DENND2C: variants seen among roughly 807,000 people sequenced by gnomAD.
The protein encoded by DENND2C is DENN domain-containing protein 2C.
In DENND2C, 72 loss-of-function variants were observed where a neutral mutation model predicts 112.4. The observed-to-expected ratio is 0.64, with a 90% confidence interval of 0.53 to 0.78. DENND2C has a LOEUF of 0.78. DENND2C is among the 30% of genes least tolerant of loss of function. The pLI is 0.00. For synonymous variants in DENND2C, 329 were observed against 381.6 expected (o/e 0.86, Z 1.61); for missense variants, 992 against 1,113.8 (o/e 0.89, Z 1.56).
intron 10 of DENND2C, among the ~76,000 whole-genome samples, chr1:114,608,206 T>A (rs1350855843): frequency 1.3e-5 from 2 of 151,762 alleles, no homozygotes; most frequent in Non-Finnish European, 2.9e-5. Context: ...GTTGCAGGGG[T>A]TGCAGTGAGC....
In DENND2C at chr1:114,630,295, A is replaced by G. The variant is rs76955064; in HGVS notation, c.-204-4107T>C. Among the ~76,000 whole-genome samples, 266 of 151,952 alleles carry G rather than the reference A, an allele frequency of 1.8e-3. 6 individuals are homozygous for G. The South Asian group carries it at 0.028, about 16-fold the overall frequency. On this transcript the variant is annotated intron_variant, in intron 3 of 20. Transcript: ENST00000393274. ...TTCATTCCAGTCTGGCGACAGAGCG[A>G]GATTCGTTCAAAAAAAAAAAGAAAA... is the stretch of plus-strand genomic sequence containing the variant.
At chr1:114,662,780 A>C (rs1557963159) in intron 1 of DENND2C, among the ~76,000 whole-genome samples, 1 of 151,964 alleles carries the variant, frequency 6.6e-6, no homozygotes, top group African/African-American at 2.4e-5. Flanking sequence ...ACGTATTGAG[A>C]CCCCATCTCT....
chr1:114,655,110 G>A (rs1657272146), intron 1 of DENND2C, among the ~76,000 whole-genome samples: 2 of 152,150 alleles, frequency 1.3e-5, no homozygotes, highest in Non-Finnish European at 2.9e-5. Flanking sequence ...TTACTTAGAA[G>A]AATGGATATT....
In DENND2C at chr1:114,657,195, C is replaced by T. The variant is rs542788312; in HGVS notation, c.-573-2434G>A. On this transcript the variant is annotated intron_variant, in intron 1 of 20. Coordinates refer to ENST00000393274, the MANE Select transcript of DENND2C (RefSeq NM_001256404.2). ...GTTAGTCTTTTTAATTTTAGCCATT[C>T]TGGTATGTAGTAGCATCTCACTGTG... is the stretch of plus-strand genomic sequence containing the variant. Among the ~76,000 whole-genome samples the T allele has an allele frequency of 1.1e-4, 17 of 152,346 alleles. No individual in the cohort carries two copies. In the East Asian group the frequency reaches 3.3e-3, roughly 29 times the overall value.
intron 3 of DENND2C, among the ~76,000 whole-genome samples, chr1:114,636,149 A>G (rs1203336006): frequency 6.6e-6 from 1 of 151,910 alleles, no homozygotes; most frequent in East Asian, 1.9e-4. Context: ...GATAAAGAAA[A>G]CTATGTATTT....
At chr1:114,605,791 C>T (rs1043318405) in intron 10 of DENND2C, among the ~76,000 whole-genome samples, 4 of 151,762 alleles carry the variant, frequency 2.6e-5, no homozygotes, top group Non-Finnish European at 5.9e-5. Context: ...AAACCTGTCT[C>T]AAAAAAAGAA....
chr1:114,625,256 A>C lies in DENND2C; in HGVS notation c.729T>G (p.Cys243Trp), dbSNP rs990867782. The change falls in exon 4 of 21, where the codon TGT becomes TGG. Residue 243 changes from cysteine (C) to tryptophan (W), a missense_variant. Transcript: ENST00000393274. ...CDKKYCENNSCAQSSLASSQE... is the reference protein window; with the variant it reads ...CDKKYCENNSWAQSSLASSQE... ...GAGAAGAGGCCAAAGAAGATTGTGC[A>C]CAAGAGTTATTTTCACAGTATTTTT... is the stretch of plus-strand genomic sequence containing the variant. 1.2e-6 allele frequency: 2 copies of C among 1,614,168 alleles called. No homozygotes were observed. The highest frequency in any genetic ancestry group is 1.7e-6 in the Non-Finnish European group (2 of 1,180,024).
At position 114,585,406 on chromosome 1, in the gene DENND2C, C is replaced by A; in HGVS notation, c.*194G>T. On this transcript the variant is annotated 3_prime_UTR_variant, in exon 21 of 21. Coordinates refer to ENST00000393274, the MANE Select transcript of DENND2C (RefSeq NM_001256404.2). ...AGACAGAGTAAAGATGGCATGGTGC[C>A]AGACCATTCCCAACAATTCTCCAGT... The A allele has an allele frequency of 1.7e-6, 1 of 597,764 alleles. No individual in the cohort carries two copies. 37.0% of individuals were successfully genotyped at this position (597,764 alleles called of 1,614,324 possible). A position where few individuals can be genotyped will look rare whatever the true frequency, so the allele number is the denominator to read the frequency against.
At chr1:114,664,324 G>A (rs17032822) in intron 1 of DENND2C, among the ~76,000 whole-genome samples, 8,590 of 152,112 alleles carry the variant, frequency 0.056, 357 homozygotes, top group African/African-American at 0.11. Context: ...GATTGATTGT[G>A]AACGGAAGCT....
At chr1:114,585,660 CTCAAT>C (rs1226074102) in intron 20 of DENND2C, 29 bp from the exon 21 acceptor site, 9 of 1,607,588 alleles carry the variant, frequency 5.6e-6, no homozygotes, top group African/African-American at 1.3e-5. Context: ...ACAGTGAATG[CTCAAT>C]TCATTTTTAT....
chr1:114,603,120 G>A (rs1034161345), intron 11 of DENND2C, among the ~76,000 whole-genome samples: 4 of 148,024 alleles, frequency 2.7e-5, no homozygotes, highest in African/African-American at 5.0e-5. Context: ...AAGAAACTCA[G>A]ACTCAATAAT....
At chr1:114,663,435 A>AT (rs969914224) in intron 1 of DENND2C, among the ~76,000 whole-genome samples, 195 of 152,352 alleles carry the variant, frequency 1.3e-3, no homozygotes, top group African/African-American at 4.5e-3. Context: ...TAAAGGGAGT[A>AT]TTTTCCATTT....
chr1:114,664,164 T>C (rs577612720), intron 1 of DENND2C, among the ~76,000 whole-genome samples: 1 of 152,272 alleles, frequency 6.6e-6, no homozygotes, highest in South Asian at 2.1e-4. Flanking sequence ...GGTCTAGAAC[T>C]CCTGGGCTCA....
chr1:114,616,585 T>C (rs1165457657), intron 8 of DENND2C, among the ~76,000 whole-genome samples: 1 of 152,082 alleles, frequency 6.6e-6, no homozygotes. Context: ...CTGGGCATGG[T>C]GGCTCATGTC....
chr1:114,658,996 T>C (rs1297638429), intron 1 of DENND2C, among the ~76,000 whole-genome samples: 2 of 152,184 alleles, frequency 1.3e-5, no homozygotes, highest in African/African-American at 4.8e-5. Flanking sequence ...CAGTTATTGA[T>C]GTGATGCATC....
intron 18 of DENND2C, among the ~76,000 whole-genome samples, chr1:114,593,778 A>C (rs2101642637): frequency 6.6e-6 from 1 of 152,222 alleles, no homozygotes; most frequent in Non-Finnish European, 1.5e-5. Context: ...AAAAACAGAA[A>C]AAGAAAAAAC....
At chr1:114,595,571 A>C (rs972247505) in intron 17 of DENND2C, 1 of 368,766 alleles carries the variant, frequency 2.7e-6, no homozygotes, top group Non-Finnish European at 4.9e-6. Context: ...ACCCACCTGG[A>C]GTTGAAGGGT....
chr1:114,644,120 T>C (rs1210311352), intron 3 of DENND2C, among the ~76,000 whole-genome samples: 2 of 152,140 alleles, frequency 1.3e-5, no homozygotes, highest in African/African-American at 4.8e-5. Flanking sequence ...TCCCACCACT[T>C]ATCATCTTTA....
intron 16 of DENND2C, among the ~76,000 whole-genome samples, chr1:114,598,914 T>G (rs1655417432): frequency 6.6e-6 from 1 of 152,132 alleles, no homozygotes; most frequent in South Asian, 2.1e-4. Context: ...ACTCCTTGAC[T>G]TCAAGTGATC....
Sources: allele counts gnomAD v4.1 joint callset (sites outside exome capture counted in the v4.1 genomes callset), GRCh38; gene constraint gnomAD v4.1.1; transcripts MANE v1.5; gene names NCBI Gene and HGNC (gene_info 2026-07-23, HGNC 2026-07-21).